Variants in BRAT1 observed in about 807,000 individuals in gnomAD.
BRAT1 encodes BRCA1 associated ATM activator 1, also known as integrator complex assembly factor BRAT1.
Under a neutral mutation model 70.6 loss-of-function variants are expected in BRAT1, and 74 were observed. The observed-to-expected ratio is 1.05, with a 90% CI of 0.87 to 1.27. The LOEUF (loss-of-function observed/expected upper bound fraction) is 1.27, where lower values mean the gene tolerates loss of function less well. Among genes scored for constraint, BRAT1 ranks in the 50% most tolerant of loss-of-function variants. The pLI is 0.00. For missense variants in BRAT1, 1,203 were observed against 1,098.2 expected, an observed-to-expected ratio of 1.10 and a Z score of -1.35; for synonymous variants, 615 against 517.1, an observed-to-expected ratio of 1.19 and a Z score of -2.57.
chr7:2,546,235 G>GT (rs1362569208), intron 3 of BRAT1, among the ~76,000 whole-genome samples: 1 of 151,452 alleles, frequency 6.6e-6, no homozygotes, highest in Non-Finnish European at 1.5e-5. Flanking sequence ...GAGACCAGGA[G>GT]TTTGAGACCA....
chr7:2,551,487 T>A (rs1378969281), intron 2 of BRAT1, among the ~76,000 whole-genome samples: 1 of 151,210 alleles, frequency 6.6e-6, no homozygotes, highest in Non-Finnish European at 1.5e-5. Flanking sequence ...GCCCAGGAGT[T>A]CCAAGCTGGC....
chr7:2,552,106 ATT>A (rs1174942520), intron 2 of BRAT1, among the ~76,000 whole-genome samples: 20 of 14,212 alleles, frequency 1.4e-3, no homozygotes, highest in African/African-American at 2.7e-3. Flanking sequence ...ATATATATAT[ATT>A]TTTTTTTTTT....
rs1156928386 is a variant in BRAT1 at position 2,541,427 on chromosome 7, G to C, written c.1192C>G (p.Leu398Val). The C allele has an allele frequency of 6.3e-7, 1 of 1,586,558 alleles. No individual in the cohort carries two copies. The highest frequency in any genetic ancestry group is 1.8e-5 in the Admixed American group (1 of 55,270). The part of the protein sequence containing the change: ...ASLLGATVTV[L>V]RLCDGSAAPA... Reference sequence around the variant, plus strand: ...GCAGCCGAGCCGTCACAGAGCCGCAGGACAGTCACTGTAGCCCCCAGTAGA... The same window carrying C: ...GCAGCCGAGCCGTCACAGAGCCGCACGACAGTCACTGTAGCCCCCAGTAGA... The change falls in exon 9 of 14, where the codon CTG becomes GTG. Residue 398 changes from leucine (L) to valine (V), a missense_variant. Coordinates refer to ENST00000340611, the MANE Select transcript of BRAT1 (RefSeq NM_152743.4).
intron 10 of BRAT1, 174 bp from the exon 11 acceptor site, chr7:2,540,062 T>C (rs555684818): frequency 3.6e-4 from 203 of 556,472 alleles, no homozygotes; most frequent in Non-Finnish European, 5.6e-4. Flanking sequence ...GGTCTCAATG[T>C]GTCATCCAGG....
chr7:2,552,854 C>T (rs1450340941), intron 2 of BRAT1, among the ~76,000 whole-genome samples: 1 of 151,722 alleles, frequency 6.6e-6, no homozygotes, highest in African/African-American at 2.4e-5. Context: ...TTCTCCTGCC[C>T]AGCCTCCCAA....
intron 2 of BRAT1, among the ~76,000 whole-genome samples, chr7:2,548,523 C>T (rs58609298): frequency 0.087 from 13,206 of 151,492 alleles, 1,271 homozygotes; most frequent in East Asian, 0.28. Context: ...AAAATTAGCC[C>T]GGCATGGTGG....
chr7:2,545,217 T>C (rs974294823), intron 3 of BRAT1, among the ~76,000 whole-genome samples, 161 bp from the exon 4 acceptor site: 1 of 151,638 alleles, frequency 6.6e-6, no homozygotes, highest in Non-Finnish European at 1.5e-5. Context: ...TACAAAAATT[T>C]GCTGGGTGTG....
intron 3 of BRAT1, 80 bp downstream of exon 3, chr7:2,547,244 A>C (rs1475408817): frequency 6.4e-7 from 1 of 1,550,978 alleles, no homozygotes; most frequent in Non-Finnish European, 8.8e-7. Context: ...GGTGATGGCT[A>C]CAAATGCCCC....
In BRAT1 at chr7:2,537,943, C is replaced by G; in HGVS notation, c.*126G>C. On this transcript the variant is annotated 3_prime_UTR_variant, in exon 14 of 14. Coordinates refer to ENST00000340611, the MANE Select transcript of BRAT1 (RefSeq NM_152743.4). The stretch of plus-strand genomic sequence containing the variant: ...TGGGATTTCTTGACCTTGCTTCTCT[C>G]CTGGTCCTGGCTTCCCCAGAGGATC... The G allele has an allele frequency of 2.2e-6, 3 of 1,368,408 alleles. No individual in the cohort carries two copies. The highest frequency in any genetic ancestry group is 2.8e-6 in the Non-Finnish European group (3 of 1,059,082). 84.8% of individuals were successfully genotyped at this position (1,368,408 alleles called of 1,614,324 possible).
chr7:2,542,537 G>A (rs541423888), intron 6 of BRAT1: 14 of 140,014 alleles, frequency 1.0e-4, no homozygotes, highest in South Asian at 7.1e-4. Context: ...TGTGTACAGC[G>A]TCCACTCTGT....
At chr7:2,551,286 T>C (rs1160035577) in intron 2 of BRAT1, among the ~76,000 whole-genome samples, 1 of 149,622 alleles carries the variant, frequency 6.7e-6, no homozygotes, top group African/African-American at 2.5e-5. Context: ...TATATAGATA[T>C]ATATATATCT....
chr7:2,539,729 T>C, intron 11 of BRAT1, 57 bp downstream of exon 11: 1 of 1,558,702 alleles, frequency 6.4e-7, no homozygotes, highest in Non-Finnish European at 8.7e-7. Context: ...ACCCAGCCCC[T>C]GCTGCCTCCA....
chr7:2,545,301 T>C (rs1255589289), intron 3 of BRAT1, among the ~76,000 whole-genome samples: 1 of 135,758 alleles, frequency 7.4e-6, no homozygotes, highest in African/African-American at 2.9e-5. Context: ...GAGGCGAAGG[T>C]TGCAGTGAGC....
intron 3 of BRAT1, among the ~76,000 whole-genome samples, chr7:2,545,363 C>CGAAAAAAA (rs1779526534): frequency 4.0e-5 from 1 of 25,120 alleles, no homozygotes; most frequent in Non-Finnish European, 8.0e-5. Context: ...GACTCCATCT[C>CGAAAAAAA]AAAAAAAAAA....
At position 2,537,842 on chromosome 7, in the gene BRAT1, C is replaced by T. The variant is rs185916558; in HGVS notation, c.*227G>A. Reference sequence around the variant, plus strand: ...TCAGATCATTATTATTAAATTAACTCAAAAAGGGTTAAAGAAAGACTTCAA... The same window carrying T: ...TCAGATCATTATTATTAAATTAACTTAAAAAGGGTTAAAGAAAGACTTCAA... On this transcript the variant is annotated 3_prime_UTR_variant, in exon 14 of 14. Coordinates refer to ENST00000340611, the MANE Select transcript of BRAT1 (RefSeq NM_152743.4). 4.7e-6 allele frequency: 3 copies of T among 634,658 alleles called. No individual in the cohort carries two copies. Among genetic ancestry groups the T allele is most frequent in the Admixed American group, 3.9e-5 (1 of 25,964 alleles). The allele number at this position is 634,658 out of a possible 1,614,324, so 39.3% of individuals were successfully genotyped here.
intron 2 of BRAT1, 140 bp from the exon 3 acceptor site, chr7:2,547,618 C>T (rs1044617709): frequency 1.2e-6 from 1 of 865,490 alleles, no homozygotes; most frequent in African/African-American, 1.7e-5. Context: ...AAAAAAATAT[C>T]TGCAACAAAT....
intron 2 of BRAT1, among the ~76,000 whole-genome samples, chr7:2,548,726 G>A (rs1204640169): frequency 6.6e-6 from 1 of 151,528 alleles, no homozygotes; most frequent in African/African-American, 2.4e-5. Context: ...ACTTTTGAAG[G>A]CCAAGGCAGG....
chr7:2,545,496 C>CT (rs71550356), intron 3 of BRAT1, among the ~76,000 whole-genome samples: 1,807 of 129,986 alleles, frequency 0.014, 51 homozygotes, highest in Middle Eastern at 0.12. Context: ...CTTTCTTCTT[C>CT]TTTTTTTTTT....
In BRAT1 at chr7:2,554,400, G is replaced by A. The variant is rs768798947; in HGVS notation, c.32C>T (p.Ala11Val). 2 of 1,613,898 alleles carry A rather than the reference G, an allele frequency of 1.2e-6. No homozygotes were observed. The highest frequency in any genetic ancestry group is 1.7e-6 in the Non-Finnish European group (2 of 1,179,896). Residue 11 changes from alanine (A) to valine (V), a missense_variant, in exon 2 of 14, where the codon GCT (alanine) becomes GTT (valine). Transcript: ENST00000340611. ...GGGATCTACCAGAACAGCACAGAGA[G>A]CCGGGAGCAGCTGGGCGCATTCTGG... MDPECAQLLP[A>V]LCAVLVDPRQ...
Sources: gnomAD v4.1 joint callset for allele counts (sites outside exome capture counted in the v4.1 genomes callset) on GRCh38, gnomAD v4.1.1 for gene constraint, MANE v1.5 for transcripts, NCBI Gene and HGNC (gene_info 2026-07-23, HGNC 2026-07-21) for gene names.